The following ABCB4 variants were observed in gnomAD, a reference collection of about 807,000 sequenced individuals.
The protein encoded by ABCB4 is ATP binding cassette subfamily B member 4, also known as phosphatidylcholine translocator ABCB4.
Under a neutral mutation model 145.7 loss-of-function variants are expected in ABCB4, and 76 were observed. The ratio of observed to expected loss-of-function variants is 0.52; its 90% CI spans 0.43 to 0.63. ABCB4 has a LOEUF of 0.63. ABCB4 is among the 30% of genes least tolerant of loss of function. ABCB4 has a pLI of 0.00. For missense variants in ABCB4, 1,234 were observed against 1,553.1 expected (o/e 0.79, Z 3.45); for synonymous variants, 517 against 566.8 (o/e 0.91, Z 1.25).
chr7:87,400,516 TTCTTCAC>T (rs1279616794), downstream of ABCB4, among the ~76,000 whole-genome samples: 1 of 152,232 alleles, frequency 6.6e-6, no homozygotes, highest in Non-Finnish European at 1.5e-5. Flanking sequence ...TTTGATACAT[TTCTTCAC>T]AGTTGGTATA....
At chr7:87,392,927 T>C in the ABCB4 span, 1 of 1,612,964 alleles carries the variant, frequency 6.2e-7, no homozygotes, top group Non-Finnish European at 8.5e-7. Context: ...TAGTAAAATG[T>C]TCTTTTATTG....
intron 9 of ABCB4, among the ~76,000 whole-genome samples, chr7:87,446,158 G>C (rs1013293075): frequency 5.9e-5 from 9 of 152,182 alleles, no homozygotes; most frequent in Non-Finnish European, 1.3e-4. Flanking sequence ...GAAGTCTGAA[G>C]ATACCACTGC....
intron 18 of ABCB4, among the ~76,000 whole-genome samples, chr7:87,420,571 C>G (rs1053452021): frequency 8.5e-5 from 13 of 152,162 alleles, no homozygotes; most frequent in Non-Finnish European, 1.5e-4. Flanking sequence ...TGAAACCCAC[C>G]AAGTGACCAA....
chr7:87,390,305 C>T, the ABCB4 span, among the ~76,000 whole-genome samples: 2 of 152,010 alleles, frequency 1.3e-5, no homozygotes, highest in Admixed American at 6.6e-5. Context: ...AAGTTTACTC[C>T]CTGAATTTTT....
In ABCB4 at chr7:87,439,650, T is replaced by A; in HGVS notation, c.1731+17A>T. On this transcript the variant is annotated intron_variant, in intron 14 of 27. Transcript: ENST00000649586. Reference sequence around the variant, plus strand: ...GTTTCAATGTGGTGGTCCTTCAGCTTTTTAGAGTCTACTGACCTTATCCAG... The same window carrying A: ...GTTTCAATGTGGTGGTCCTTCAGCTATTTAGAGTCTACTGACCTTATCCAG... 6.2e-7 allele frequency: 1 copy of A among 1,614,124 alleles called. No individual in the cohort carries two copies. Among genetic ancestry groups the A allele is most frequent in the Non-Finnish European group, 8.5e-7 (1 of 1,179,976 alleles).
chr7:87,410,093 A>G (rs1157792683), intron 23 of ABCB4, among the ~76,000 whole-genome samples: 1 of 152,188 alleles, frequency 6.6e-6, no homozygotes, highest in Non-Finnish European at 1.5e-5. Flanking sequence ...ATAACTATTG[A>G]CAGCACTCTG....
At chr7:87,378,470 G>A in the ABCB4 span, among the ~76,000 whole-genome samples, 2 of 152,076 alleles carry the variant, frequency 1.3e-5, no homozygotes, top group Non-Finnish European at 2.9e-5. Flanking sequence ...AGCTAAATTT[G>A]GGTAAAGCTG....
At chr7:87,382,480 T>C in the ABCB4 span, 2 of 1,613,986 alleles carry the variant, frequency 1.2e-6, no homozygotes, top group Non-Finnish European at 8.5e-7. Flanking sequence ...AAGAACAAGA[T>C]GCTTCACCCG....
chr7:87,388,996 T>C, the ABCB4 span, among the ~76,000 whole-genome samples: 458 of 152,268 alleles, frequency 3.0e-3, 3 homozygotes, highest in African/African-American at 0.01. Context: ...AGAAGACATT[T>C]ATGTGGCCAA....
intron 14 of ABCB4, 22 bp from the exon 15 acceptor site, chr7:87,431,587 G>T (rs1562968998): frequency 1.9e-6 from 3 of 1,613,886 alleles, no homozygotes; most frequent in Non-Finnish European, 2.5e-6. Context: ...AAAATGTGGT[G>T]CATCAGGGTT....
the ABCB4 span, among the ~76,000 whole-genome samples, chr7:87,380,116 T>C: frequency 1.3e-5 from 2 of 152,010 alleles, no homozygotes; most frequent in Admixed American, 1.3e-4. Flanking sequence ...GTCCCAAAAA[T>C]AATAATAAGA....
chr7:87,454,561 G>C lies in ABCB4; in HGVS notation c.318C>G (p.Gly106=). 6.2e-7 allele frequency: 1 copy of C among 1,611,240 alleles called. No homozygotes were observed. Among genetic ancestry groups the C allele is most frequent in the Non-Finnish European group, 8.5e-7 (1 of 1,178,366 alleles). ...TAGTCATTTCTTCTTCCAGAATTTTGCCTGGATTTAGCAGCGACAAGGAAA... is the reference window on the plus strand; with the variant it reads ...TAGTCATTTCTTCTTCCAGAATTTTCCCTGGATTTAGCAGCGACAAGGAAA... The part of the protein sequence containing the change: ...VNFSLSLLNP[G]KILEEEMTRY... The change falls in exon 5 of 28, where the codon GGC becomes GGG. Residue 106 remains glycine, a synonymous_variant. Transcript: ENST00000649586.
chr7:87,452,796 G>A, intron 6 of ABCB4, 148 bp downstream of exon 6: 1 of 919,948 alleles, frequency 1.1e-6, no homozygotes, highest in East Asian at 2.6e-5. Context: ...GGCTATAGAT[G>A]CTGCTAGACA....
At chr7:87,447,429 C>G (rs147249451) in intron 8 of ABCB4, among the ~76,000 whole-genome samples, 42 of 152,298 alleles carry the variant, frequency 2.8e-4, no homozygotes, top group Admixed American at 4.6e-4. Context: ...TTCCCTTCAT[C>G]CATTCCAAGC....
chr7:87,377,287 A>G, the ABCB4 span: 1 of 982,866 alleles, frequency 1.0e-6, no homozygotes, highest in African/African-American at 1.6e-5. Flanking sequence ...TGTGTTTAAG[A>G]TGTAAATTCT....
intron 9 of ABCB4, 122 bp from the exon 10 acceptor site, chr7:87,445,097 T>A: frequency 1.4e-6 from 1 of 731,356 alleles, no homozygotes; most frequent in East Asian, 2.7e-5. Context: ...TTTCCTTTTT[T>A]TTTTGTGGAA....
chr7:87,472,632 C>G lies in ABCB4; in HGVS notation c.124G>C (p.Val42Leu). ...ATTTCACAGCTTACCAATGTTAATA[C>G]TCCAATCATTTTCACTGTCTTCGTT... ...KKTKTVKMIG[V>L]LTLFRYSDWQ... The change falls in exon 3 of 28, where the codon GTA becomes CTA. Residue 42 changes from valine (V) to leucine (L), a missense_variant. Val to Leu is a conservative substitution (Grantham distance 32). Transcript: ENST00000649586. The G allele has an allele frequency of 1.2e-6, 2 of 1,609,150 alleles. No individual in the cohort carries two copies. The highest frequency in any genetic ancestry group is 1.7e-6 in the Non-Finnish European group (2 of 1,175,634).
chr7:87,439,265 T>C lies in ABCB4; in HGVS notation c.1731+402A>G, dbSNP rs993652581. ...GCACCTGGTCACCTACATGAATAGA[T>C]AAAGATGATGTCACTGCCTACAAAA... is the stretch of plus-strand genomic sequence containing the variant. On this transcript the variant is annotated intron_variant, in intron 14 of 27. Coordinates refer to ENST00000649586, the MANE Select transcript of ABCB4 (RefSeq NM_000443.4). 2.0e-5 allele frequency among the ~76,000 whole-genome samples: 3 copies of C among 152,146 alleles called. No individual in the cohort carries two copies. In the East Asian group the frequency reaches 5.8e-4, roughly 29 times the overall value.
intron 3 of ABCB4, among the ~76,000 whole-genome samples, chr7:87,467,117 G>C (rs1235043900): frequency 2.0e-5 from 3 of 152,006 alleles, no homozygotes; most frequent in Non-Finnish European, 2.9e-5. Flanking sequence ...ACTGGATAAA[G>C]AGTCAAGACC....
Sources: allele counts gnomAD v4.1 joint callset (sites outside exome capture counted in the v4.1 genomes callset), GRCh38; gene constraint gnomAD v4.1.1; transcripts MANE v1.5; gene names NCBI Gene and HGNC (gene_info 2026-07-23, HGNC 2026-07-21).